FOXO1: variants seen among roughly 807,000 people sequenced by gnomAD.
The protein encoded by FOXO1 is forkhead box protein O1.
In FOXO1, 6 loss-of-function variants were observed where a neutral mutation model predicts 44.1. The observed-to-expected ratio is 0.14, with a 90% confidence interval of 0.07 to 0.27. The LOEUF (loss-of-function observed/expected upper bound fraction) is 0.27. FOXO1 is among the 10% of genes least tolerant of loss of function. FOXO1 has a pLI of 1.00. For synonymous variants in FOXO1, 380 were observed against 362.7 expected (o/e 1.05, Z -0.54); for missense variants, 737 against 888.8 (o/e 0.83, Z 2.17).
chr13:40,635,980 C>A (rs1310955225), intron 1 of FOXO1, among the ~76,000 whole-genome samples: 3 of 152,202 alleles, frequency 2.0e-5, no homozygotes, highest in African/African-American at 7.2e-5. Flanking sequence ...GAGGCTGAGG[C>A]AGGCGGATCA....
chr13:40,595,174 T>C (rs1040842706), intron 1 of FOXO1, among the ~76,000 whole-genome samples: 4 of 152,216 alleles, frequency 2.6e-5, no homozygotes, highest in African/African-American at 9.6e-5. Flanking sequence ...CAGACTTTGC[T>C]AGAAATGCAA....
chr13:40,591,317 G>C (rs1875361390), intron 1 of FOXO1, among the ~76,000 whole-genome samples: 1 of 152,210 alleles, frequency 6.6e-6, no homozygotes, highest in Non-Finnish European at 1.5e-5. Flanking sequence ...CCACGTTCTG[G>C]ACACGGCACC....
intron 1 of FOXO1, among the ~76,000 whole-genome samples, chr13:40,568,198 A>C (rs1021524242): frequency 4.6e-5 from 7 of 152,206 alleles, no homozygotes; most frequent in Non-Finnish European, 7.3e-5. Flanking sequence ...CAACAAAAAG[A>C]ACTTCACACT....
chr13:40,655,637 C>CTTTTTTT (rs774180443), intron 1 of FOXO1, among the ~76,000 whole-genome samples: 19 of 101,278 alleles, frequency 1.9e-4, no homozygotes, highest in African/African-American at 3.7e-4. Context: ...TTCTACACTT[C>CTTTTTTT]TTTTTTTTTT....
At chr13:40,616,861 A>G (rs1292190304) in intron 1 of FOXO1, among the ~76,000 whole-genome samples, 1 of 152,166 alleles carries the variant, frequency 6.6e-6, no homozygotes, top group Non-Finnish European at 1.5e-5. Flanking sequence ...GGACAGATGG[A>G]GAAAGGAGCA....
intron 1 of FOXO1, among the ~76,000 whole-genome samples, chr13:40,640,223 G>A (rs1320944256): frequency 1.3e-5 from 2 of 152,194 alleles, no homozygotes; most frequent in East Asian, 3.8e-4. Flanking sequence ...AGCATCATAT[G>A]TAAAGGGAAT....
chr13:40,582,772 T>C (rs1875006785), intron 1 of FOXO1, among the ~76,000 whole-genome samples: 1 of 152,208 alleles, frequency 6.6e-6, no homozygotes, highest in Non-Finnish European at 1.5e-5. Flanking sequence ...TGCATCTACT[T>C]CCTCTTCTGA....
chr13:40,566,291 T>A (rs914899707), intron 1 of FOXO1, among the ~76,000 whole-genome samples: 7 of 151,618 alleles, frequency 4.6e-5, no homozygotes, highest in African/African-American at 1.7e-4. Flanking sequence ...ACACATGCCC[T>A]CCCCAGGATG....
At chr13:40,628,387 A>ACACC (rs1555252090) in intron 1 of FOXO1, among the ~76,000 whole-genome samples, 7 of 151,296 alleles carry the variant, frequency 4.6e-5, no homozygotes, top group African/African-American at 1.7e-4. Flanking sequence ...ACACACACAC[A>ACACC]CACCCCGTGA....
chr13:40,639,494 T>A (rs1436789716), intron 1 of FOXO1, among the ~76,000 whole-genome samples: 1 of 152,202 alleles, frequency 6.6e-6, no homozygotes, highest in Admixed American at 6.5e-5. Flanking sequence ...TCAAAATCAC[T>A]CACTAAGCAA....
intron 1 of FOXO1, among the ~76,000 whole-genome samples, chr13:40,591,297 C>T (rs1047120717): frequency 1.9e-4 from 29 of 152,262 alleles, no homozygotes; most frequent in African/African-American, 6.7e-4. Flanking sequence ...GTTTCCTAGC[C>T]GGGTGGCTCC....
intron 1 of FOXO1, among the ~76,000 whole-genome samples, chr13:40,562,175 A>G (rs1380135891): frequency 6.6e-6 from 1 of 152,200 alleles, no homozygotes; most frequent in Non-Finnish European, 1.5e-5. Flanking sequence ...AATGACCAGT[A>G]GTATGAGCAG....
intron 1 of FOXO1, among the ~76,000 whole-genome samples, chr13:40,575,754 G>A (rs1017515704): frequency 3.9e-5 from 6 of 152,168 alleles, no homozygotes; most frequent in African/African-American, 1.4e-4. Flanking sequence ...GGCTCTCCCT[G>A]CCTCCCATGG....
At chr13:40,654,615 G>A (rs1160579580) in intron 1 of FOXO1, among the ~76,000 whole-genome samples, 1 of 152,128 alleles carries the variant, frequency 6.6e-6, no homozygotes, top group Non-Finnish European at 1.5e-5. Flanking sequence ...TATACAAGAT[G>A]CTGGAACCAA....
chr13:40,565,800 T>C (rs1874247453), intron 1 of FOXO1, among the ~76,000 whole-genome samples: 1 of 152,230 alleles, frequency 6.6e-6, no homozygotes, highest in Admixed American at 6.5e-5. Flanking sequence ...ATAGCATCCA[T>C]AAAATAACAT....
At chr13:40,598,257 A>G (rs1205243418) in intron 1 of FOXO1, among the ~76,000 whole-genome samples, 1 of 152,186 alleles carries the variant, frequency 6.6e-6, no homozygotes, top group Non-Finnish European at 1.5e-5. Flanking sequence ...CAACTTTGTC[A>G]AGTATGATGC....
Position 40,665,788 on chromosome 13 carries a change from G to A in FOXO1, c.425C>T (p.Ala142Val), listed in dbSNP as rs1421795041. Reference sequence around the variant, plus strand: ...GCGCGGCTGCCCCGCGAGCGGCCCAGCGGCGGCGGGGGGCACCGGCGGGTG... The same window carrying A: ...GCGCGGCTGCCCCGCGAGCGGCCCAACGGCGGCGGGGGGCACCGGCGGGTG... ...SQHPPVPPAA[A>V]GPLAGQPRKS... The change falls in exon 1 of 3, where the codon GCT becomes GTT. Residue 142 changes from alanine to valine, a missense_variant. Around this residue, in one of 7 missense-constraint regions of FOXO1, gnomAD observed 213 missense variants for 236.4 expected, o/e 0.90. Coordinates refer to ENST00000379561, the MANE Select transcript of FOXO1 (RefSeq NM_002015.4). The A allele has an allele frequency of 8.7e-6, 11 of 1,260,768 alleles. No individual in the cohort carries two copies. Among genetic ancestry groups the A allele is most frequent in the African/African-American group, 1.5e-5 (1 of 64,662 alleles). The allele number at this position is 1,260,768 out of a possible 1,614,324, so 78.1% of individuals were successfully genotyped here. A position where few individuals can be genotyped will look rare whatever the true frequency, so the allele number is the denominator to read the frequency against.
Position 40,623,906 on chromosome 13 carries a change from T to C in FOXO1, c.630+41677A>G, listed in dbSNP as rs954885552. 2.0e-3 allele frequency among the ~76,000 whole-genome samples: 290 copies of C among 144,364 alleles called. 1 individual carries two copies. Among genetic ancestry groups the C allele is most frequent in the African/African-American group, 7.3e-3 (282 of 38,704 alleles). 94.7% of individuals were successfully genotyped at this position (144,364 alleles called of 152,430 possible). A position where few individuals can be genotyped will look rare whatever the true frequency, so the allele number is the denominator to read the frequency against. On this transcript the variant is annotated intron_variant, in intron 1 of 2. Transcript: ENST00000379561. The stretch of plus-strand genomic sequence containing the variant: ...TTTGAGACCAGCCTGGGCAACAAAG[T>C]GAGACACCATCTCTTAAAAAAAAAA...
At chr13:40,650,191 G>A (rs752604037) in intron 1 of FOXO1, among the ~76,000 whole-genome samples, 2 of 152,168 alleles carry the variant, frequency 1.3e-5, no homozygotes, top group African/African-American at 2.4e-5. Flanking sequence ...CACAGCACTT[G>A]TAAACTGTCA....
Sources: allele counts gnomAD v4.1 joint callset (sites outside exome capture counted in the v4.1 genomes callset), GRCh38; gene constraint gnomAD v4.1.1; regional missense constraint gnomAD v4.1.1; transcripts MANE v1.5; gene names NCBI Gene and HGNC (gene_info 2026-07-23, HGNC 2026-07-21).